PLK5: variants seen among roughly 807,000 people sequenced by gnomAD.
PLK5 encodes the protein polo like kinase 5 (inactive).
In PLK5, 28 loss-of-function variants were observed where a neutral mutation model predicts 33.7. That is an observed-to-expected ratio of 0.83 (90% CI 0.62 to 1.14). PLK5 has a LOEUF of 1.14. Ranked by LOEUF, PLK5 falls within the 50% of genes most tolerant of loss-of-function variation. The pLI is 0.00. For synonymous variants in PLK5, 225 were observed against 202.2 expected, an observed-to-expected ratio of 1.11 and a Z score of -0.96; for missense variants, 492 against 461.5, an observed-to-expected ratio of 1.07 and a Z score of -0.61.
chr19:1,528,016 A>G lies in PLK5; in HGVS notation c.83A>G (p.Tyr28Cys), dbSNP rs1186652388. 2 of 1,535,942 alleles carry G rather than the reference A, an allele frequency of 1.3e-6. No homozygotes were observed. The highest frequency in any genetic ancestry group is 1.7e-6 in the Non-Finnish European group (2 of 1,146,832). Residue 28 changes from tyrosine (Y) to cysteine (C), a missense_variant, in exon 7 of 14, where the codon TAC becomes TGC. Transcript: ENST00000454744. The stretch of plus-strand genomic sequence containing the variant: ...TACCAAAACATCCGTGAGGGCCACT[A>G]CCCCGAACCCGCTCACCTGTCTGCC... The part of the protein sequence containing the change: ...EMYQNIREGH[Y>C]PEPAHLSANA...
intron 13 of PLK5, among the ~76,000 whole-genome samples, chr19:1,534,748 CG>C (rs1914043101): frequency 1.3e-5 from 2 of 151,102 alleles, no homozygotes; most frequent in Admixed American, 1.3e-4. Context: ...ACCCGGGAGG[CG>C]GAGCTTGCAG....
rs532773281 is a variant in PLK5, at chr19:1,528,908, G to C, written c.339G>C (p.Thr113=). The C allele has an allele frequency of 1.0e-4, 151 of 1,511,764 alleles. No homozygotes were observed. In the East Asian group the frequency reaches 2.2e-3, roughly 22 times the overall value. 93.6% of individuals were successfully genotyped at this position (1,511,764 alleles called of 1,614,324 possible). The change falls in exon 9 of 14, where the codon ACG becomes ACC. Residue 113 remains threonine (T), a synonymous_variant. Transcript: ENST00000454744. Reference sequence around the variant, plus strand: ...TTGTGCCTCCCTCAGGCCCCTTCACGCCTAAAGAGGCCTCGGGTCCAGGAG... The same window carrying C: ...TTGTGCCTCCCTCAGGCCCCTTCACCCCTAAAGAGGCCTCGGGTCCAGGAG... The part of the protein sequence containing the change: ...LTQCRPPCPF[T]PKEASGPGEG...
chr19:1,532,250 TTAA>T (rs758981114), intron 12 of PLK5, among the ~76,000 whole-genome samples: 6 of 151,946 alleles, frequency 3.9e-5, no homozygotes, highest in Non-Finnish European at 8.8e-5. Flanking sequence ...TACAAAAATT[TTAA>T]TAATTAGCTT....
chr19:1,532,008 GAAC>G (rs1913946457), intron 12 of PLK5, 125 bp downstream of exon 12: 1 of 1,123,414 alleles, frequency 8.9e-7, no homozygotes, highest in Non-Finnish European at 1.2e-6. Flanking sequence ...TGGTCGGGGA[GAAC>G]AACACTAAAC....
At position 1,528,077 on chromosome 19, in the gene PLK5, C is replaced by A; in HGVS notation, c.144C>A (p.Pro48=). The change falls in exon 7 of 14, where the codon CCC becomes CCA. Residue 48 remains proline (P), a synonymous_variant. Coordinates refer to ENST00000454744, the MANE Select transcript of PLK5 (RefSeq NM_001243079.2). Reference sequence around the variant, plus strand: ...GCCTCATCGTGCACCTCCTAGCACCCAACCCGGCCGAGCGGCCCAGCCTGG... The same window carrying A: ...GCCTCATCGTGCACCTCCTAGCACCAAACCCGGCCGAGCGGCCCAGCCTGG... ...ARRLIVHLLA[P]NPAERPSLDH... 2.6e-6 allele frequency: 4 copies of A among 1,536,030 alleles called. No homozygotes were observed. Among genetic ancestry groups the A allele is most frequent in the Non-Finnish European group, 3.5e-6 (4 of 1,146,834 alleles).
rs1040035945 is a variant in PLK5, at chr19:1,524,906, G to A, written c.-543-399G>A. The stretch of plus-strand genomic sequence containing the variant: ...TGTTGTGTGTCCACACGTGGTGACT[G>A]TGTGTCCAGACATTGTATATTCATG... On this transcript the variant is annotated intron_variant, in intron 1 of 13. Transcript: ENST00000454744. The surrounding 1 kb of genome is among the most constrained non-coding windows in gnomAD (Gnocchi z 4.5). 6.5e-6 allele frequency: 1 copy of A among 152,732 alleles called. No homozygotes were observed. The highest frequency in any genetic ancestry group is 1.9e-4 in the East Asian group (1 of 5,200). The allele number at this position is 152,732 out of a possible 1,614,324, so 9.5% of individuals were successfully genotyped here. A position where few individuals can be genotyped will look rare whatever the true frequency, so the allele number is the denominator to read the frequency against.
At chr19:1,534,099 C>T in intron 13 of PLK5, 58 bp downstream of exon 13, 1 of 1,369,922 alleles carries the variant, frequency 7.3e-7, no homozygotes, top group Non-Finnish European at 1.0e-6. Flanking sequence ...GTCTGGCCTG[C>T]CTGGGCTGTT....
rs139296633 is a variant in PLK5, at chr19:1,533,088, T to C, written c.715-843T>C. On this transcript the variant is annotated intron_variant, in intron 12 of 13. Transcript: ENST00000454744. ...AGGTCAAGGCTCCAGTGAGCCATGA[T>C]TGCACCACTGCGCTCCAGCCTGGGT... Among the ~76,000 whole-genome samples, 308 of 152,196 alleles carry C rather than the reference T, an allele frequency of 2.0e-3. 2 individuals carry two copies. In the Middle Eastern group the frequency reaches 0.048, roughly 24 times the overall value.
At chr19:1,531,100 C>G (rs1369907818) in intron 11 of PLK5, among the ~76,000 whole-genome samples, 2 of 149,418 alleles carry the variant, frequency 1.3e-5, no homozygotes, top group African/African-American at 2.5e-5. Flanking sequence ...GAAAAGCCAA[C>G]AGACAAACAA....
intron 8 of PLK5, 86 bp from the exon 9 acceptor site, chr19:1,528,811 CA>C (rs1913836503): frequency 1.3e-5 from 14 of 1,054,992 alleles, no homozygotes; most frequent in Non-Finnish European, 1.9e-5. Flanking sequence ...GTCTCCACAT[CA>C]GGGGTGGGTG....
rs984707430 is a variant in PLK5, at chr19:1,528,330, A to T, written c.230A>T (p.His77Leu). The T allele has an allele frequency of 6.5e-7, 1 of 1,534,624 alleles. No homozygotes were observed. Among genetic ancestry groups the T allele is most frequent in the Non-Finnish European group, 8.7e-7 (1 of 1,146,458 alleles). The change falls in exon 8 of 14, where the codon CAC becomes CTC. Residue 77 changes from histidine (H) to leucine (L), a missense_variant. Coordinates refer to ENST00000454744, the MANE Select transcript of PLK5 (RefSeq NM_001243079.2). ...TTCACTCCAGACCGGCTGCCGGCCC[A>T]CTCCTGCCACAGTCCCCCCATCTTC... ...QGFTPDRLPA[H>L]SCHSPPIFAI...
At chr19:1,534,521 AAAG>A (rs1189682148) in intron 13 of PLK5, among the ~76,000 whole-genome samples, 3 of 134,876 alleles carry the variant, frequency 2.2e-5, no homozygotes, top group Admixed American at 7.7e-5. Flanking sequence ...AAAAAAAAAA[AAAG>A]GCCGGGCACG....
In PLK5 at chr19:1,535,153, G is replaced by A. The variant is rs1914058409; in HGVS notation, c.914G>A (p.Gly305Asp). The stretch of plus-strand genomic sequence containing the variant: ...ACCCTCTGGGAGCAGGGGTCCCCTG[G>A]CACCTCCTACTCCCTGGACGTCCCG... ...QLTLWEQGSP[G>D]TSYSLDVPRS... The change falls in exon 14 of 14, where the codon GGC becomes GAC. Residue 305 changes from glycine to aspartate, a missense_variant. Physicochemically the swap from Gly to Asp is moderately conservative, Grantham distance 94. Coordinates refer to ENST00000454744, the MANE Select transcript of PLK5 (RefSeq NM_001243079.2). The A allele has an allele frequency of 6.5e-7, 1 of 1,535,774 alleles. No homozygotes were observed. The highest frequency in any genetic ancestry group is 1.2e-5 in the South Asian group (1 of 84,042).
At position 1,529,476 on chromosome 19, in the gene PLK5, A is replaced by C; in HGVS notation, c.476A>C (p.Gln159Pro). The change falls in exon 10 of 14, where the codon CAG (glutamine) becomes CCG (proline). Residue 159 changes from glutamine to proline, a missense_variant. Transcript: ENST00000454744. ...CACCTGGTCGCACAAGGGACCCTGC[A>C]GAGTGACCTGGCCGGTGAGCAGATC... Reference protein sequence around the residue: ...PIHLVAQGTLQSDLAGPEGSR... With the variant: ...PIHLVAQGTLPSDLAGPEGSR... 2 of 1,535,892 alleles carry C rather than the reference A, an allele frequency of 1.3e-6. No homozygotes were observed. The highest frequency in any genetic ancestry group is 1.7e-6 in the Non-Finnish European group (2 of 1,146,746).
intron 12 of PLK5, 57 bp from the exon 13 acceptor site, chr19:1,533,874 G>A (rs1459755206): frequency 4.8e-6 from 4 of 825,982 alleles, no homozygotes; most frequent in Middle Eastern, 4.6e-4. Context: ...CTGGGTGTGG[G>A]GGCGAGGGGT....
rs1913684626 is a variant in PLK5, at chr19:1,524,643, T to C, written c.-544+397T>C. On this transcript the variant is annotated intron_variant, in intron 1 of 13. Transcript: ENST00000454744. The surrounding 1 kb of genome is among the most constrained non-coding windows in gnomAD (Gnocchi z 4.5). Reference sequence around the variant, plus strand: ...TGTGTGTGTGTGTGTCTGGGTGTTGTGTTGCTTGTTCACCTGTTGTTTGTG... The same window carrying C: ...TGTGTGTGTGTGTGTCTGGGTGTTGCGTTGCTTGTTCACCTGTTGTTTGTG... 6.7e-6 allele frequency among the ~76,000 whole-genome samples: 1 copy of C among 150,148 alleles called. No individual in the cohort carries two copies. Among genetic ancestry groups the C allele is most frequent in the African/African-American group, 2.5e-5 (1 of 39,774 alleles).
intron 13 of PLK5, among the ~76,000 whole-genome samples, chr19:1,534,819 A>T (rs201287776): frequency 0.26 from 38,891 of 150,582 alleles, 5,776 homozygotes; most frequent in East Asian, 0.63. Flanking sequence ...TCTGTTTAAA[A>T]AAAAAAAAAA....
intron 12 of PLK5, 41 bp from the exon 13 acceptor site, chr19:1,533,890 C>T (rs909269380): frequency 9.7e-5 from 140 of 1,447,310 alleles, no homozygotes; most frequent in Non-Finnish European, 1.2e-4. Flanking sequence ...GGGGTGGGGA[C>T]GCCCCCTGCG....
intron 12 of PLK5, 112 bp downstream of exon 12, chr19:1,531,995 G>GA: frequency 8.3e-7 from 1 of 1,211,874 alleles, no homozygotes; most frequent in Non-Finnish European, 1.1e-6. Context: ...GGTGCTCCCT[G>GA]CCTGGTCGGG....
Sources: gnomAD v4.1 joint callset for allele counts (sites outside exome capture counted in the v4.1 genomes callset) on GRCh38, gnomAD v4.1.1 for gene constraint, Gnocchi (gnomAD v3.1) non-coding constraint, MANE v1.5 for transcripts, NCBI Gene and HGNC (gene_info 2026-07-23, HGNC 2026-07-21) for gene names.